CNOT2: variants seen among roughly 807,000 people sequenced by gnomAD.
CNOT2 encodes CC chemokine receptor 4-negative regulator of transcription 2.
A neutral mutation model predicts 72.1 loss-of-function variants in CNOT2; 7 were observed. The observed-to-expected ratio is 0.10, with a 90% confidence interval of 0.06 to 0.18. The LOEUF is 0.18. Among genes scored for constraint, CNOT2 ranks in the 10% least tolerant of loss-of-function variants. The pLI is 1.00. For synonymous variants in CNOT2, 196 were observed against 225.6 expected (o/e 0.87, Z 1.17); for missense variants, 345 against 660.3 (o/e 0.52, Z 5.23).
chr12:70,254,577 G>A (rs1437805194), intron 1 of CNOT2, among the ~76,000 whole-genome samples: 1 of 152,218 alleles, frequency 6.6e-6, no homozygotes, highest in Admixed American at 6.5e-5. Flanking sequence ...GATAAGGGGA[G>A]AACTACTGTA....
intron 1 of CNOT2, among the ~76,000 whole-genome samples, chr12:70,269,888 G>T (rs906662960): frequency 6.6e-6 from 1 of 152,110 alleles, no homozygotes; most frequent in Non-Finnish European, 1.5e-5. Context: ...TTGGCTTAGT[G>T]CCTAATATAT....
At chr12:70,351,875 C>A (rs1593302511) in intron 15 of CNOT2, among the ~76,000 whole-genome samples, 1 of 152,076 alleles carries the variant, frequency 6.6e-6, no homozygotes, top group East Asian at 1.9e-4. Flanking sequence ...TGTATTAGGG[C>A]AGGATGTCAT....
chr12:70,254,620 C>G lies in CNOT2; in HGVS notation c.-96+11140C>G, dbSNP rs571469321. Reference sequence around the variant, plus strand: ...AAGTTGTATGATTGAATGATTCATTCATTTTTACCTGGTGATGCTGCTGCA... The same window carrying G: ...AAGTTGTATGATTGAATGATTCATTGATTTTTACCTGGTGATGCTGCTGCA... On this transcript the variant is annotated intron_variant, in intron 1 of 15. Transcript: ENST00000229195. 3.9e-5 allele frequency among the ~76,000 whole-genome samples: 6 copies of G among 152,292 alleles called. No homozygotes were observed. In the South Asian group the frequency reaches 1.2e-3, roughly 32 times the overall value.
At chr12:70,278,493 T>A (rs1869249185) in intron 2 of CNOT2, 1 of 441,530 alleles carries the variant, frequency 2.3e-6, no homozygotes, top group East Asian at 3.6e-5. Flanking sequence ...TAGTGTCAAA[T>A]CAGGTTTTCT....
At chr12:70,316,946 G>T (rs1877441808) in intron 3 of CNOT2, among the ~76,000 whole-genome samples, 1 of 152,128 alleles carries the variant, frequency 6.6e-6, no homozygotes, top group South Asian at 2.1e-4. Flanking sequence ...AATATCTGAT[G>T]AAAAATGTTT....
intron 4 of CNOT2, among the ~76,000 whole-genome samples, chr12:70,320,751 G>A (rs566487398): frequency 2.0e-5 from 3 of 151,792 alleles, no homozygotes; most frequent in Non-Finnish European, 4.4e-5. Flanking sequence ...GAAGACCACC[G>A]TTTATCACAG....
At chr12:70,309,236 TAC>T (rs1230550053) in intron 2 of CNOT2, among the ~76,000 whole-genome samples, 1 of 152,278 alleles carries the variant, frequency 6.6e-6, no homozygotes, top group African/African-American at 2.4e-5. Flanking sequence ...AAAGATTAAG[TAC>T]CTGTGTTCTA....
chr12:70,331,969 A>ATT (rs780981551), intron 6 of CNOT2, among the ~76,000 whole-genome samples: 1 of 143,978 alleles, frequency 6.9e-6, no homozygotes, highest in Non-Finnish European at 1.5e-5. Flanking sequence ...GTTCTGCCTT[A>ATT]TTTTTTTTTT....
chr12:70,281,438 T>C (rs1869825722), intron 2 of CNOT2, among the ~76,000 whole-genome samples: 1 of 152,234 alleles, frequency 6.6e-6, no homozygotes, highest in Non-Finnish European at 1.5e-5. Flanking sequence ...ACCTTTAGAC[T>C]TTCCAAATTC....
chr12:70,340,999 G>A (rs575484189), intron 11 of CNOT2, among the ~76,000 whole-genome samples: 3 of 148,194 alleles, frequency 2.0e-5, no homozygotes, highest in Non-Finnish European at 4.4e-5. Flanking sequence ...AGGTCCAAGC[G>A]ATTCTCCTGA....
At chr12:70,296,831 A>T (rs78104421) in intron 2 of CNOT2, among the ~76,000 whole-genome samples, 14,491 of 150,426 alleles carry the variant, frequency 0.096, 901 homozygotes, top group Middle Eastern at 0.19. Context: ...GCGAAGCAGG[A>T]TAAGCAGTTT....
intron 3 of CNOT2, among the ~76,000 whole-genome samples, chr12:70,314,482 T>G (rs556234564): frequency 1.3e-5 from 2 of 152,262 alleles, no homozygotes; most frequent in East Asian, 3.9e-4. Context: ...GAAAATAGGT[T>G]AGCAATGAAT....
chr12:70,318,008 A>G (rs189181982), intron 3 of CNOT2, among the ~76,000 whole-genome samples: 3 of 151,908 alleles, frequency 2.0e-5, no homozygotes, highest in Admixed American at 6.6e-5. Context: ...GTGAGTCTCC[A>G]TTAACCTCCT....
intron 11 of CNOT2, among the ~76,000 whole-genome samples, chr12:70,341,499 C>G (rs752144508): frequency 1.3e-5 from 2 of 152,102 alleles, no homozygotes; most frequent in Non-Finnish European, 2.9e-5. Context: ...TCCCAGTTCC[C>G]CTCTAACATG....
intron 15 of CNOT2, among the ~76,000 whole-genome samples, chr12:70,352,208 T>C (rs1339227839): frequency 6.6e-6 from 1 of 151,700 alleles, no homozygotes; most frequent in East Asian, 1.9e-4. Flanking sequence ...ACATGGAGGC[T>C]TTTTGTCACA....
chr12:70,287,750 T>C (rs1195792200), intron 2 of CNOT2, among the ~76,000 whole-genome samples: 2 of 150,096 alleles, frequency 1.3e-5, no homozygotes, highest in Non-Finnish European at 3.0e-5. Context: ...AATCCAACAA[T>C]TGGAAGTTGT....
intron 1 of CNOT2, among the ~76,000 whole-genome samples, chr12:70,252,242 A>G (rs1343186955): frequency 6.6e-6 from 1 of 152,152 alleles, no homozygotes; most frequent in Non-Finnish European, 1.5e-5. Context: ...GCTGGAATGC[A>G]GTATCATGAT....
intron 2 of CNOT2, among the ~76,000 whole-genome samples, chr12:70,304,472 G>GGTATCTGCTGAT (rs1874817684): frequency 6.6e-6 from 1 of 152,226 alleles, no homozygotes; most frequent in African/African-American, 2.4e-5. Context: ...GTCCACTCCA[G>GGTATCTGCTGAT]ACCCTGTTTG....
At chr12:70,324,981 A>T (rs114906635) in intron 4 of CNOT2, among the ~76,000 whole-genome samples, 1 of 151,832 alleles carries the variant, frequency 6.6e-6, no homozygotes, top group African/African-American at 2.4e-5. Flanking sequence ...GACTCACTCT[A>T]TTCCCAAGTC....
Sources: allele counts gnomAD v4.1 joint callset (sites outside exome capture counted in the v4.1 genomes callset), GRCh38; gene constraint gnomAD v4.1.1; transcripts MANE v1.5; gene names NCBI Gene and HGNC (gene_info 2026-07-23, HGNC 2026-07-21).